Variants in SCN7A observed in about 807,000 individuals in gnomAD.
The protein encoded by SCN7A is sodium channel protein type 7 subunit alpha.
A neutral mutation model predicts 155.2 loss-of-function variants in SCN7A; 138 were observed. That is an observed-to-expected ratio of 0.89 (90% CI 0.77 to 1.02). The LOEUF (loss-of-function observed/expected upper bound fraction) is 1.02. SCN7A is among the 50% of genes least tolerant of loss of function. The pLI, the probability that SCN7A is intolerant of heterozygous loss-of-function variation, is 0.00. For synonymous variants in SCN7A, 693 were observed against 649.0 expected (o/e 1.07, Z -1.03); for missense variants, 2,058 against 1,986.6 (o/e 1.04, Z -0.68).
At chr2:166,434,751 G>C (rs1461119649) in intron 15 of SCN7A, among the ~76,000 whole-genome samples, 3 of 152,070 alleles carry the variant, frequency 2.0e-5, no homozygotes, top group Non-Finnish European at 4.4e-5. Context: ...TTCTTCTATT[G>C]TTTGGCTAAG....
intron 2 of SCN7A, among the ~76,000 whole-genome samples, chr2:166,484,652 A>T (rs1251607144): frequency 6.6e-6 from 1 of 152,028 alleles, no homozygotes; most frequent in Admixed American, 6.6e-5. Flanking sequence ...CTATTAAGGT[A>T]TATCACAGTC....
chr2:166,465,524 TTC>T lies in SCN7A; in HGVS notation c.877_878del (p.Glu293LysfsTer25), dbSNP rs980997449. 6.3e-7 allele frequency: 1 copy of T among 1,596,076 alleles called. No homozygotes were observed. Among genetic ancestry groups the T allele is most frequent in the African/African-American group, 1.3e-5 (1 of 74,564 alleles). The stretch of plus-strand genomic sequence containing the variant: ...TTTCTCCTTCCAAATAATAAAAGTT[TTC>T]TGTTTCTGAAAAACAGGCAAGAAAT... Reference protein sequence around the residue: ...TGNPYYIRETENFYYLEGERY... With the variant: ...TGNPYYIRETXNFYYLEGERY... On this transcript the variant is annotated frameshift_variant, in exon 9 of 26. Transcript: ENST00000643258. LOFTEE classifies it high-confidence loss of function.
intron 2 of SCN7A, among the ~76,000 whole-genome samples, chr2:166,486,152 T>A (rs963881990): frequency 2.6e-5 from 4 of 152,190 alleles, no homozygotes; most frequent in African/African-American, 9.7e-5. Flanking sequence ...TCGGGACCTC[T>A]CAGAACTAGC....
chr2:166,474,186 C>T (rs2105505196), intron 4 of SCN7A, 40 bp downstream of exon 4: 1 of 930,618 alleles, frequency 1.1e-6, no homozygotes, highest in African/African-American at 1.7e-5. Context: ...CAGTTAATGT[C>T]AGCACAGTTT....
At chr2:166,483,940 G>A (rs2105529229) in intron 2 of SCN7A, among the ~76,000 whole-genome samples, 1 of 151,948 alleles carries the variant, frequency 6.6e-6, no homozygotes, top group Admixed American at 6.5e-5. Flanking sequence ...CACTAAAAAA[G>A]ATTATAGTAC....
At chr2:166,410,484 G>A (rs1701178313) in intron 23 of SCN7A, among the ~76,000 whole-genome samples, 160 bp from the exon 24 acceptor site, 2 of 151,978 alleles carry the variant, frequency 1.3e-5, no homozygotes, top group African/African-American at 4.8e-5. Flanking sequence ...CTGACTTTCT[G>A]CCCAAAAATC....
intron 11 of SCN7A, among the ~76,000 whole-genome samples, chr2:166,455,456 T>C (rs188165495): frequency 6.6e-6 from 1 of 151,944 alleles, no homozygotes; most frequent in East Asian, 1.9e-4. Flanking sequence ...GAAAACTAAA[T>C]ACTGCATGTT....
chr2:166,409,784 G>A lies in SCN7A; in HGVS notation c.3863C>T (p.Ser1288Leu), dbSNP rs1348128032. 7 of 1,569,666 alleles carry A rather than the reference G, an allele frequency of 4.5e-6. No homozygotes were observed. The highest frequency in any genetic ancestry group is 1.9e-5 in the Admixed American group (1 of 53,994). Residue 1288 changes from serine (S) to leucine (L), a missense_variant, in exon 25 of 26, where the codon TCA (serine) becomes TTA (leucine). By Grantham distance (145) the Ser-to-Leu change is moderately radical. Transcript: ENST00000643258. ...QMSIALYWINSIFVMLYTMEC... is the reference protein window; with the variant it reads ...QMSIALYWINLIFVMLYTMEC... ...CATAGTATATAGCATAACAAAAATT[G>A]AGTTAATCCAGTAGAGAGCAATGGA...
chr2:166,422,544 G>A (rs1372857613), intron 19 of SCN7A, among the ~76,000 whole-genome samples: 2 of 152,086 alleles, frequency 1.3e-5, no homozygotes, highest in African/African-American at 4.8e-5. Context: ...TAAGTGCACA[G>A]GCACTAAGAT....
At chr2:166,470,767 C>CT in intron 6 of SCN7A, 61 bp from the exon 7 acceptor site, 1 of 1,418,582 alleles carries the variant, frequency 7.0e-7, no homozygotes, top group Non-Finnish European at 9.4e-7. Flanking sequence ...TTATTCTTGG[C>CT]TTTTTATGGT....
chr2:166,443,256 C>G (rs1207941746), intron 14 of SCN7A, among the ~76,000 whole-genome samples: 1 of 152,136 alleles, frequency 6.6e-6, no homozygotes, highest in African/African-American at 2.4e-5. Context: ...TTACCCTGAC[C>G]CTGCTTCCTA....
chr2:166,453,100 CAT>C (rs1370666685), intron 11 of SCN7A, among the ~76,000 whole-genome samples: 4 of 152,054 alleles, frequency 2.6e-5, no homozygotes, highest in Non-Finnish European at 4.4e-5. Context: ...AGTATAATAA[CAT>C]AAACATTTTA....
At chr2:166,424,167 A>G (rs1229509052) in intron 18 of SCN7A, among the ~76,000 whole-genome samples, 1 of 152,150 alleles carries the variant, frequency 6.6e-6, no homozygotes, top group Non-Finnish European at 1.5e-5. Context: ...ACAAAATAAC[A>G]ATAGATTTTA....
chr2:166,456,169 G>A (rs1702269639), intron 11 of SCN7A, among the ~76,000 whole-genome samples: 1 of 152,060 alleles, frequency 6.6e-6, no homozygotes, highest in Admixed American at 6.6e-5. Context: ...AGAGCACATG[G>A]GCACAGGGAG....
intron 9 of SCN7A, among the ~76,000 whole-genome samples, chr2:166,462,996 T>C (rs1323313465): frequency 2.0e-5 from 3 of 152,190 alleles, no homozygotes; most frequent in Non-Finnish European, 4.4e-5. Context: ...ACTATATCTT[T>C]ACTACTCCAA....
chr2:166,455,727 C>A (rs947948142), intron 11 of SCN7A, among the ~76,000 whole-genome samples: 2 of 152,076 alleles, frequency 1.3e-5, no homozygotes, highest in Admixed American at 6.6e-5. Context: ...CCATCAATAC[C>A]TAGTTTATTG....
intron 11 of SCN7A, 70 bp from the exon 12 acceptor site, chr2:166,447,778 C>T (rs535855515): frequency 1.9e-6 from 2 of 1,058,884 alleles, no homozygotes; most frequent in East Asian, 2.4e-5. Context: ...AGAAGGTGCA[C>T]AGCCTTGCTA....
chr2:166,475,091 TACAC>T (rs1168562937), intron 3 of SCN7A, among the ~76,000 whole-genome samples: 20 of 122,320 alleles, frequency 1.6e-4, no homozygotes, highest in African/African-American at 6.5e-4. Flanking sequence ...TATATATATA[TACAC>T]ATATATATGT....
At chr2:166,417,071 G>T in intron 20 of SCN7A, 86 bp from the exon 21 acceptor site, 1 of 1,002,498 alleles carries the variant, frequency 1.0e-6, no homozygotes, top group Non-Finnish European at 1.4e-6. Flanking sequence ...CTAATTGATA[G>T]AATAACATAT....
Sources: gnomAD v4.1 joint callset for allele counts (sites outside exome capture counted in the v4.1 genomes callset) on GRCh38, gnomAD v4.1.1 for gene constraint, MANE v1.5 for transcripts, NCBI Gene and HGNC (gene_info 2026-07-23, HGNC 2026-07-21) for gene names.